Variants in CDH10 observed in about 807,000 individuals in gnomAD.
The protein encoded by CDH10 is cadherin 10.
CDH10 carries 30 observed loss-of-function variants against 73.1 expected under a neutral mutation model. That is an observed-to-expected ratio of 0.41 (90% CI 0.31 to 0.56). The LOEUF is 0.56. Among genes scored for constraint, CDH10 ranks in the 20% least tolerant of loss-of-function variants. The pLI, the probability that CDH10 is intolerant of heterozygous loss-of-function variation, is 0.27. For missense variants in CDH10, 815 were observed against 973.7 expected, an observed-to-expected ratio of 0.84 and a Z score of 2.17; for synonymous variants, 345 against 348.2, an observed-to-expected ratio of 0.99 and a Z score of 0.10.
chr5:24,603,645 A>T (rs183035123), intron 1 of CDH10, among the ~76,000 whole-genome samples: 1 of 152,298 alleles, frequency 6.6e-6, no homozygotes, highest in Non-Finnish European at 1.5e-5. Flanking sequence ...TTCTCCATAA[A>T]GTATGACTGA....
intron 5 of CDH10, among the ~76,000 whole-genome samples, chr5:24,531,932 A>G (rs995285845): frequency 3.3e-5 from 5 of 152,112 alleles, no homozygotes; most frequent in Admixed American, 3.3e-4. Context: ...TAAAATTGTA[A>G]GGATGCTTAG....
chr5:24,606,930 C>T (rs74719636), intron 1 of CDH10, among the ~76,000 whole-genome samples: 3,479 of 152,224 alleles, frequency 0.023, 149 homozygotes, highest in African/African-American at 0.079. Context: ...ATTGAATGTT[C>T]CATTTTGTTT....
At chr5:24,573,974 T>C (rs1745499615) in intron 2 of CDH10, among the ~76,000 whole-genome samples, 1 of 151,452 alleles carries the variant, frequency 6.6e-6, no homozygotes, top group Non-Finnish European at 1.5e-5. Flanking sequence ...AAGCTCTGCC[T>C]CCCGGGTTCA....
At chr5:24,514,955 T>C (rs1743055100) in intron 5 of CDH10, among the ~76,000 whole-genome samples, 1 of 152,136 alleles carries the variant, frequency 6.6e-6, no homozygotes, top group African/African-American at 2.4e-5. Flanking sequence ...TTTAATCCAA[T>C]CTAACCAAAT....
intron 1 of CDH10, among the ~76,000 whole-genome samples, chr5:24,624,593 T>C (rs574029399): frequency 1.3e-5 from 2 of 152,164 alleles, no homozygotes; most frequent in Non-Finnish European, 2.9e-5. Flanking sequence ...ACCCCTAAAG[T>C]ATTTCTTAAA....
At chr5:24,504,376 CT>C (rs1172802711) in intron 8 of CDH10, among the ~76,000 whole-genome samples, 5 of 151,910 alleles carry the variant, frequency 3.3e-5, no homozygotes, top group African/African-American at 1.2e-4. Flanking sequence ...CATTTAATTA[CT>C]TTTTCACTAT....
rs181959030 is a variant in CDH10, at chr5:24,588,458, C to T, written c.231+4802G>A. On this transcript the variant is annotated intron_variant, in intron 2 of 11. Transcript: ENST00000264463. ...GAACGTTTAGTCTCAAGAACAGTCT[C>T]ATTTCAGTTATGAAGTAGAGTGTTT... is the stretch of plus-strand genomic sequence containing the variant. Among the ~76,000 whole-genome samples the T allele has an allele frequency of 8.5e-5, 13 of 152,290 alleles. No homozygotes were observed. In the East Asian group the frequency reaches 2.1e-3, roughly 25 times the overall value.
intron 1 of CDH10, among the ~76,000 whole-genome samples, chr5:24,629,715 C>G (rs1316865778): frequency 6.6e-6 from 1 of 152,104 alleles, no homozygotes; most frequent in Non-Finnish European, 1.5e-5. Flanking sequence ...TTTGTTCCTT[C>G]ACAGGCTCTC....
At chr5:24,601,086 TC>T (rs965617256) in intron 1 of CDH10, among the ~76,000 whole-genome samples, 3 of 152,144 alleles carry the variant, frequency 2.0e-5, no homozygotes, top group African/African-American at 4.8e-5. Flanking sequence ...TTTTCTTTCA[TC>T]TAAAAGTTCA....
At chr5:24,588,094 T>A (rs550854919) in intron 2 of CDH10, among the ~76,000 whole-genome samples, 1 of 152,312 alleles carries the variant, frequency 6.6e-6, no homozygotes, top group South Asian at 2.1e-4. Context: ...TCTTTACATA[T>A]TAGAGAAGTA....
chr5:24,552,002 A>G (rs1744563582), intron 2 of CDH10, among the ~76,000 whole-genome samples: 1 of 152,106 alleles, frequency 6.6e-6, no homozygotes, highest in South Asian at 2.1e-4. Context: ...TAACATCAGT[A>G]TGTTATCTTC....
chr5:24,500,992 C>G (rs569912799), intron 8 of CDH10, among the ~76,000 whole-genome samples: 2 of 152,206 alleles, frequency 1.3e-5, no homozygotes, highest in East Asian at 3.9e-4. Flanking sequence ...TTTGCTAATA[C>G]CCAGAGCCAT....
chr5:24,560,860 A>G (rs990983185), intron 2 of CDH10, among the ~76,000 whole-genome samples: 1 of 152,162 alleles, frequency 6.6e-6, no homozygotes, highest in African/African-American at 2.4e-5. Context: ...GGTGTTTTAC[A>G]TATATTTACT....
intron 7 of CDH10, among the ~76,000 whole-genome samples, chr5:24,507,872 A>C (rs932723609): frequency 6.6e-6 from 1 of 152,200 alleles, no homozygotes; most frequent in South Asian, 2.1e-4. Context: ...TCTTCTGCCA[A>C]TATGTAACCT....
At chr5:24,598,077 AT>A (rs1746431967) in intron 1 of CDH10, among the ~76,000 whole-genome samples, 1 of 152,052 alleles carries the variant, frequency 6.6e-6, no homozygotes, top group Admixed American at 6.6e-5. Context: ...ACACTGAAAA[AT>A]AAAGGAAAAT....
At chr5:24,583,066 T>C (rs13189636) in intron 2 of CDH10, among the ~76,000 whole-genome samples, 58,276 of 151,806 alleles carry the variant, frequency 0.38, 13,592 homozygotes, top group East Asian at 0.53. Flanking sequence ...TAATTTTTTT[T>C]AAAAAAACTA....
intron 10 of CDH10, among the ~76,000 whole-genome samples, chr5:24,492,364 C>T (rs1742089882): frequency 6.6e-6 from 1 of 152,184 alleles, no homozygotes; most frequent in Non-Finnish European, 1.5e-5. Flanking sequence ...GCCATTGCAA[C>T]AGTACCTTTG....
intron 2 of CDH10, among the ~76,000 whole-genome samples, chr5:24,542,526 T>G (rs568978533): frequency 1.6e-4 from 24 of 152,290 alleles, no homozygotes; most frequent in Admixed American, 1.0e-3. Flanking sequence ...CCCTACCATA[T>G]AGCCTAGGTA....
chr5:24,521,415 A>C (rs915222326), intron 5 of CDH10, among the ~76,000 whole-genome samples: 2 of 152,112 alleles, frequency 1.3e-5, no homozygotes, highest in African/African-American at 4.8e-5. Context: ...ATGGTGGTGC[A>C]TGCTTGCATG....
Sources: gnomAD v4.1 joint callset for allele counts (sites outside exome capture counted in the v4.1 genomes callset) on GRCh38, gnomAD v4.1.1 for gene constraint, MANE v1.5 for transcripts, NCBI Gene and HGNC (gene_info 2026-07-23, HGNC 2026-07-21) for gene names.